RIMS1: variants seen among roughly 807,000 people sequenced by gnomAD.
RIMS1 encodes regulating synaptic membrane exocytosis protein 1.
A neutral mutation model predicts 214.1 loss-of-function variants in RIMS1; 83 were observed. The ratio of observed to expected loss-of-function variants is 0.39; its 90% CI spans 0.32 to 0.47. RIMS1 has a LOEUF of 0.47. Ranked by LOEUF, RIMS1 falls within the 20% of genes least tolerant of loss-of-function variation. The pLI is 0.99. For synonymous variants in RIMS1, 793 were observed against 786.8 expected, an observed-to-expected ratio of 1.01 and a Z score of -0.13; for missense variants, 2,050 against 2,161.8, an observed-to-expected ratio of 0.95 and a Z score of 1.03.
At chr6:72,191,848 A>G (rs925302759) in intron 6 of RIMS1, among the ~76,000 whole-genome samples, 1 of 152,124 alleles carries the variant, frequency 6.6e-6, no homozygotes, top group Non-Finnish European at 1.5e-5. Flanking sequence ...GCACAGGCCA[A>G]ATAGGAGAGT....
chr6:72,300,006 C>A (rs2094464998), intron 26 of RIMS1, among the ~76,000 whole-genome samples: 1 of 151,730 alleles, frequency 6.6e-6, no homozygotes, highest in African/African-American at 2.4e-5. Context: ...TTCTCCTGAA[C>A]ACTTATTATG....
chr6:72,258,820 A>G (rs1046349380), intron 17 of RIMS1, among the ~76,000 whole-genome samples, 166 bp from the exon 18 acceptor site: 2 of 152,192 alleles, frequency 1.3e-5, no homozygotes, highest in Non-Finnish European at 2.9e-5. Flanking sequence ...GCAAAAACTC[A>G]TAGAAAACAA....
chr6:71,955,279 G>T (rs1194537411), intron 1 of RIMS1, among the ~76,000 whole-genome samples: 2 of 152,024 alleles, frequency 1.3e-5, no homozygotes, highest in Non-Finnish European at 2.9e-5. Flanking sequence ...CGATTCTCCT[G>T]CCTCAGCCTC....
rs1261282684 is a variant in RIMS1 at position 72,222,653 on chromosome 6, T to C, written c.1679-11120T>C. ...ATATTTGCCAACCAGCTTATTGTTATGATTATTGCTATTTGTTTACATTGT... is the reference window on the plus strand; with the variant it reads ...ATATTTGCCAACCAGCTTATTGTTACGATTATTGCTATTTGTTTACATTGT... On this transcript the variant is annotated intron_variant, in intron 6 of 33. Coordinates refer to ENST00000521978, the MANE Select transcript of RIMS1 (RefSeq NM_014989.7). Among the ~76,000 whole-genome samples, 2 of 152,168 alleles carry C rather than the reference T, an allele frequency of 1.3e-5. 1 individual carries two copies. Among genetic ancestry groups the C allele is most frequent in the Admixed American group, 1.3e-4 (2 of 15,276 alleles).
rs534193925 is a variant in RIMS1 at position 72,268,836 on chromosome 6, G to GT, written c.3398+2789dup. Among the ~76,000 whole-genome samples the GT allele has an allele frequency of 8.0e-4, 122 of 152,240 alleles. 1 individual carries two copies. The South Asian group carries it at 0.02, about 25-fold the overall frequency. On this transcript the variant is annotated intron_variant, in intron 22 of 33. Coordinates refer to ENST00000521978, the MANE Select transcript of RIMS1 (RefSeq NM_014989.7). Reference sequence around the variant, plus strand: ...TAATTCAGTGAATTATTCCAATTCAGTTATGCTTCTTAAATCAATATATTT... The same window carrying GT: ...TAATTCAGTGAATTATTCCAATTCAGTTTATGCTTCTTAAATCAATATATTT...
chr6:72,261,021 C>T (rs561312502), intron 19 of RIMS1: 11 of 1,268,076 alleles, frequency 8.7e-6, no homozygotes, highest in African/African-American at 4.6e-5. Context: ...GGACTGTTTG[C>T]GTTCCTAAAA....
At chr6:72,377,396 T>C (rs532941770) in intron 29 of RIMS1, among the ~76,000 whole-genome samples, 1 of 152,250 alleles carries the variant, frequency 6.6e-6, no homozygotes, top group African/African-American at 2.4e-5. Flanking sequence ...AATTCTAGGA[T>C]TCCATGGATC....
intron 2 of RIMS1, among the ~76,000 whole-genome samples, chr6:72,034,645 T>C (rs749920280): frequency 2.0e-4 from 31 of 151,898 alleles, no homozygotes; most frequent in Non-Finnish European, 3.5e-4. Context: ...CAAGAGACAA[T>C]AGAGTTCTAG....
chr6:71,923,909 T>C (rs901503273), intron 1 of RIMS1, among the ~76,000 whole-genome samples: 2 of 152,186 alleles, frequency 1.3e-5, no homozygotes, highest in Non-Finnish European at 2.9e-5. Flanking sequence ...ACTACCTAGA[T>C]ATATTTTGAT....
At chr6:72,024,905 T>TTG (rs1209089842) in intron 2 of RIMS1, among the ~76,000 whole-genome samples, 1 of 140,364 alleles carries the variant, frequency 7.1e-6, no homozygotes, top group Admixed American at 7.1e-5. Context: ...TGTGGGTTTT[T>TTG]TTTTTTTTTT....
intron 2 of RIMS1, among the ~76,000 whole-genome samples, chr6:71,987,689 A>G (rs904526788): frequency 6.6e-6 from 1 of 152,200 alleles, no homozygotes; most frequent in African/African-American, 2.4e-5. Flanking sequence ...TTATCAATCC[A>G]GAAGGGTCGG....
chr6:72,196,580 CTTTTT>C lies in RIMS1; in HGVS notation c.1678+13450_1678+13454del, dbSNP rs61651151. Among the ~76,000 whole-genome samples, 17 of 57,206 alleles carry C rather than the reference CTTTTT, an allele frequency of 3.0e-4. 2 individuals carry two copies. Among genetic ancestry groups the C allele is most frequent in the African/African-American group, 8.7e-4 (11 of 12,672 alleles). 37.5% of individuals were successfully genotyped at this position (57,206 alleles called of 152,430 possible). On this transcript the variant is annotated intron_variant, in intron 6 of 33. Transcript: ENST00000521978. The stretch of plus-strand genomic sequence containing the variant: ...AGTACTGTGCTGGCAGCCAGCTGCA[CTTTTT>C]TTTTTTTTTTTTTTTTTTACCTATA...
At chr6:71,897,971 T>C (rs979884498) in intron 1 of RIMS1, among the ~76,000 whole-genome samples, 1 of 152,040 alleles carries the variant, frequency 6.6e-6, no homozygotes, top group African/African-American at 2.4e-5. Context: ...AAGAAGTGAG[T>C]TGAGTGCTTT....
intron 6 of RIMS1, among the ~76,000 whole-genome samples, chr6:72,200,899 GGTC>G: frequency 7.1e-6 from 1 of 140,356 alleles, no homozygotes; most frequent in African/African-American, 2.7e-5. Flanking sequence ...GTGTGTGTGT[GGTC>G]TGAGCTAACA....
Position 72,057,601 on chromosome 6 carries a change from A to G in RIMS1, c.246-39348A>G, listed in dbSNP as rs371578187. ...CGGCTCACTGCAAGCTCCGCCTCCC[A>G]GGTTTACGCCATTCTCCTGCTTCAG... On this transcript the variant is annotated intron_variant, in intron 2 of 33. Transcript: ENST00000521978. Among the ~76,000 whole-genome samples, 179 of 144,368 alleles carry G rather than the reference A, an allele frequency of 1.2e-3. 2 individuals carry two copies. Among genetic ancestry groups the G allele is most frequent in the African/African-American group, 4.4e-3 (172 of 38,718 alleles). The allele number at this position is 144,368 out of a possible 152,430, so 94.7% of individuals were successfully genotyped here. A position where few individuals can be genotyped will look rare whatever the true frequency, so the allele number is the denominator to read the frequency against.
chr6:71,999,997 T>C (rs1804640463), intron 2 of RIMS1, among the ~76,000 whole-genome samples: 1 of 152,144 alleles, frequency 6.6e-6, no homozygotes, highest in African/African-American at 2.4e-5. Context: ...AAATTTAAGA[T>C]ATTAATCTGT....
intron 24 of RIMS1, among the ~76,000 whole-genome samples, chr6:72,288,961 T>C (rs1343804452): frequency 2.0e-5 from 3 of 152,196 alleles, no homozygotes; most frequent in Non-Finnish European, 4.4e-5. Context: ...GCCTTGTGGC[T>C]CAGGAGATGG....
intron 29 of RIMS1, chr6:72,366,656 G>A: frequency 1.0e-6 from 1 of 956,746 alleles, no homozygotes; most frequent in Non-Finnish European, 1.2e-6. Flanking sequence ...ATTATATTCT[G>A]TATATGCATG....
chr6:71,968,847 G>T, intron 1 of RIMS1, 136 bp from the exon 2 acceptor site: 1 of 788,608 alleles, frequency 1.3e-6, no homozygotes, highest in Admixed American at 2.5e-5. Context: ...GGCTTTGCTG[G>T]GGCCCCAAGG....
Sources: gnomAD v4.1 joint callset for allele counts (sites outside exome capture counted in the v4.1 genomes callset) on GRCh38, gnomAD v4.1.1 for gene constraint, MANE v1.5 for transcripts, NCBI Gene and HGNC (gene_info 2026-07-23, HGNC 2026-07-21) for gene names.